CA10: variants seen among roughly 807,000 people sequenced by gnomAD.
The protein encoded by CA10 is carbonic anhydrase-related protein 10.
CA10 carries 14 observed loss-of-function variants against 44.2 expected under a neutral mutation model. That is an observed-to-expected ratio of 0.32 (90% confidence interval 0.21 to 0.50). The LOEUF is 0.50. Among genes scored for constraint, CA10 ranks in the 20% least tolerant of loss-of-function variants. The probability of loss-of-function intolerance (pLI) is 0.99; values close to 1 mark genes in which losing one functional copy is unlikely to be tolerated. For missense variants in CA10, 350 were observed against 409.7 expected (o/e 0.85, Z 1.26); for synonymous variants, 159 against 141.6 (o/e 1.12, Z -0.87).
At chr17:51,643,938 G>A (rs1913211340) in intron 6 of CA10, among the ~76,000 whole-genome samples, 1 of 152,172 alleles carries the variant, frequency 6.6e-6, no homozygotes, top group Non-Finnish European at 1.5e-5. Flanking sequence ...GTGTTTAGAA[G>A]CTTGCTTAAA....
At chr17:52,086,549 A>C (rs1241310177) in intron 1 of CA10, among the ~76,000 whole-genome samples, 2 of 152,318 alleles carry the variant, frequency 1.3e-5, no homozygotes, top group Middle Eastern at 3.4e-3. Context: ...TAAATGTAAA[A>C]GGAGGCTAGG....
chr17:52,135,035 C>T (rs751247507), intron 1 of CA10: 9 of 509,718 alleles, frequency 1.8e-5, no homozygotes, highest in South Asian at 1.3e-4. Flanking sequence ...CTCCTGACTG[C>T]CCTCCTGAGG....
intron 3 of CA10, among the ~76,000 whole-genome samples, chr17:51,907,164 C>T (rs1324693369): frequency 6.6e-6 from 1 of 152,176 alleles, no homozygotes; most frequent in Non-Finnish European, 1.5e-5. Context: ...AATTCGCCCT[C>T]TGCTCACTGT....
chr17:51,649,225 A>T lies in CA10; in HGVS notation c.591T>A (p.Asn197Lys), dbSNP rs751341888. The T allele has an allele frequency of 6.2e-7, 1 of 1,613,586 alleles. No individual in the cohort carries two copies. The highest frequency in any genetic ancestry group is 8.5e-7 in the Non-Finnish European group (1 of 1,179,514). Residue 197 changes from asparagine (N) to lysine (K), a missense_variant, in exon 6 of 9, where the codon AAT (asparagine) becomes AAA (lysine). By Grantham distance (94) the Asn-to-Lys change is moderately conservative. Coordinates refer to ENST00000451037, the MANE Select transcript of CA10 (RefSeq NM_020178.5). ...KVSDSSNPFL[N>K]RMLNRDTITR... ...TGATAGTATCTCTGTTGAGCATTCG[A>T]TTAAGAAATGGGTTTGATGAATCAG...
intron 3 of CA10, among the ~76,000 whole-genome samples, chr17:51,855,854 G>T (rs1469046810): frequency 6.6e-6 from 1 of 152,180 alleles, no homozygotes; most frequent in Non-Finnish European, 1.5e-5. Context: ...TGGCCACAAG[G>T]TATAGAGGAG....
At chr17:51,965,820 C>T (rs1331320542) in intron 2 of CA10, among the ~76,000 whole-genome samples, 2 of 151,818 alleles carry the variant, frequency 1.3e-5, no homozygotes, top group Non-Finnish European at 2.9e-5. Context: ...CAAGGATGCC[C>T]ATTCTCACCA....
intron 2 of CA10, among the ~76,000 whole-genome samples, chr17:52,026,614 A>G (rs1986309017): frequency 2.0e-5 from 3 of 152,110 alleles, no homozygotes; most frequent in Non-Finnish European, 1.5e-5. Flanking sequence ...ACTAACAATC[A>G]TGGCAGAAGG....
At chr17:51,856,869 G>A (rs1378372322) in intron 3 of CA10, among the ~76,000 whole-genome samples, 1 of 152,224 alleles carries the variant, frequency 6.6e-6, no homozygotes, top group Non-Finnish European at 1.5e-5. Context: ...TACATGTAGA[G>A]AAAGAAGGAA....
chr17:51,807,781 T>A (rs768283734), intron 3 of CA10, among the ~76,000 whole-genome samples: 1 of 152,208 alleles, frequency 6.6e-6, no homozygotes, highest in Non-Finnish European at 1.5e-5. Context: ...CCAGACTACA[T>A]GATTTCACTT....
intron 2 of CA10, among the ~76,000 whole-genome samples, chr17:51,973,095 A>G (rs1352998729): frequency 1.3e-5 from 2 of 152,242 alleles, no homozygotes; most frequent in African/African-American, 2.4e-5. Context: ...AGTTCCTGAT[A>G]TAACAGAGTA....
At chr17:51,939,646 A>G (rs1285617566) in intron 2 of CA10, among the ~76,000 whole-genome samples, 1 of 151,904 alleles carries the variant, frequency 6.6e-6, no homozygotes, top group Non-Finnish European at 1.5e-5. Flanking sequence ...TTGAATTTGC[A>G]TTTTCTAGCT....
At chr17:51,651,520 A>T (rs1227539621) in intron 5 of CA10, among the ~76,000 whole-genome samples, 1 of 152,216 alleles carries the variant, frequency 6.6e-6, no homozygotes, top group Non-Finnish European at 1.5e-5. Flanking sequence ...TGCAGGAGCT[A>T]GTTATTATCC....
chr17:52,084,712 C>T (rs1316111815), intron 1 of CA10, among the ~76,000 whole-genome samples: 1 of 152,152 alleles, frequency 6.6e-6, no homozygotes, highest in African/African-American at 2.4e-5. Context: ...TCTTCTGCCC[C>T]TGTGGCAAAA....
intron 2 of CA10, among the ~76,000 whole-genome samples, chr17:51,998,704 T>A (rs1985322712): frequency 6.6e-6 from 1 of 152,082 alleles, no homozygotes; most frequent in Non-Finnish European, 1.5e-5. Context: ...GGAAAGAGTC[T>A]AGTATTAAAA....
chr17:52,057,101 C>T (rs1297933474), intron 2 of CA10, among the ~76,000 whole-genome samples: 1 of 151,966 alleles, frequency 6.6e-6, no homozygotes, highest in African/African-American at 2.4e-5. Flanking sequence ...TAGAGTTTCC[C>T]CCATCAAATT....
At chr17:51,991,398 T>C (rs1215097136) in intron 2 of CA10, among the ~76,000 whole-genome samples, 1 of 152,170 alleles carries the variant, frequency 6.6e-6, no homozygotes. Context: ...TTGTATGCAA[T>C]GACCCCTGTA....
chr17:51,782,094 A>C (rs776527048), intron 3 of CA10, among the ~76,000 whole-genome samples: 1 of 152,138 alleles, frequency 6.6e-6, no homozygotes, highest in Non-Finnish European at 1.5e-5. Context: ...TGAATATTTT[A>C]TTTCTTTCAG....
At chr17:51,783,139 G>T (rs1327820238) in intron 3 of CA10, among the ~76,000 whole-genome samples, 1 of 152,022 alleles carries the variant, frequency 6.6e-6, no homozygotes, top group Non-Finnish European at 1.5e-5. Flanking sequence ...TTTACTGGCT[G>T]AAGAGAAATG....
At chr17:51,700,310 A>G (rs1915548897) in intron 4 of CA10, among the ~76,000 whole-genome samples, 1 of 152,134 alleles carries the variant, frequency 6.6e-6, no homozygotes. Flanking sequence ...TTCAGATAAT[A>G]TCGCTGCACT....
Sources: gnomAD v4.1 joint callset for allele counts (sites outside exome capture counted in the v4.1 genomes callset) on GRCh38, gnomAD v4.1.1 for gene constraint, MANE v1.5 for transcripts, NCBI Gene and HGNC (gene_info 2026-07-23, HGNC 2026-07-21) for gene names.